SCLY: variants seen among roughly 807,000 people sequenced by gnomAD.
The protein encoded by SCLY is putative selenocysteine lyase.
SCLY carries 38 observed loss-of-function variants against 50.1 expected under a neutral mutation model. The observed-to-expected ratio is 0.76, with a 90% CI of 0.59 to 0.99. The LOEUF is 0.99. SCLY is among the 50% of genes least tolerant of loss of function. SCLY has a pLI of 0.00. For missense variants in SCLY, 600 were observed against 620.0 expected, an observed-to-expected ratio of 0.97 and a Z score of 0.34; for synonymous variants, 243 against 249.4, an observed-to-expected ratio of 0.97 and a Z score of 0.24.
In SCLY at chr2:238,091,230, C is replaced by T. The variant is rs779007259; in HGVS notation, c.897C>T (p.Thr299=). The change falls in exon 8 of 12, where the codon ACC becomes ACT. Residue 299 remains threonine (T), a synonymous_variant. Coordinates refer to ENST00000254663, the MANE Select transcript of SCLY (RefSeq NM_016510.7). The stretch of plus-strand genomic sequence containing the variant: ...TTGTTTCTTACAGGACAGAGAACAC[C>T]CCAATGATTGCTGGCCTTGGGAAGG... ...ERNFRPGTEN[T]PMIAGLGKAA... 6.2e-7 allele frequency: 1 copy of T among 1,613,382 alleles called. No homozygotes were observed. The highest frequency in any genetic ancestry group is 1.3e-5 in the African/African-American group (1 of 74,884).
intron 7 of SCLY, among the ~76,000 whole-genome samples, chr2:238,085,635 G>A (rs1276200564): frequency 2.6e-5 from 4 of 152,010 alleles, no homozygotes; most frequent in East Asian, 1.9e-4. Context: ...GCTGAGGCAG[G>A]AGAATCCCTT....
At chr2:238,091,383 G>A in intron 8 of SCLY, 129 bp downstream of exon 8, 1 of 812,404 alleles carries the variant, frequency 1.2e-6, no homozygotes, top group South Asian at 1.4e-5. Flanking sequence ...ACAAGAAAAA[G>A]CCTGGAATCT....
chr2:238,077,656 T>C (rs1051522274), intron 4 of SCLY, among the ~76,000 whole-genome samples: 1 of 152,190 alleles, frequency 6.6e-6, no homozygotes, highest in Non-Finnish European at 1.5e-5. Context: ...TGACCTGGAC[T>C]AAATACAAGA....
At chr2:238,089,726 C>T (rs2065342835) in intron 7 of SCLY, among the ~76,000 whole-genome samples, 1 of 150,554 alleles carries the variant, frequency 6.6e-6, no homozygotes, top group Admixed American at 6.7e-5. Flanking sequence ...CCAGTGTGGC[C>T]TAGGGAAGCC....
chr2:238,095,574 G>A (rs1559252646), intron 10 of SCLY: 1 of 152,168 alleles, frequency 6.6e-6, no homozygotes, highest in African/African-American at 2.4e-5. Context: ...TGAGAACCTG[G>A]GCTGAAATGC....
At position 238,096,964 on chromosome 2, in the gene SCLY, G is replaced by A. The variant is rs990715683; in HGVS notation, c.1184+88G>A. The A allele has an allele frequency of 3.9e-6, 5 of 1,294,358 alleles. No individual in the cohort carries two copies. The Admixed American group carries it at 1.0e-4, about 26-fold the overall frequency. 80.2% of individuals were successfully genotyped at this position (1,294,358 alleles called of 1,614,324 possible). ...GCAGGCGGCAGGATCCGGCCACTGG[G>A]CCGCACTCTGGCTGGTGAAGGACAG... On this transcript the variant is annotated intron_variant, in intron 11 of 11. Coordinates refer to ENST00000254663, the MANE Select transcript of SCLY (RefSeq NM_016510.7).
chr2:238,081,551 C>A, intron 4 of SCLY, 158 bp from the exon 5 acceptor site: 1 of 935,944 alleles, frequency 1.1e-6, no homozygotes. Context: ...GACTCTGGGC[C>A]AGTGATGATG....
At chr2:238,072,080 C>G (rs1223924039) in intron 4 of SCLY, among the ~76,000 whole-genome samples, 1 of 152,136 alleles carries the variant, frequency 6.6e-6, no homozygotes, top group African/African-American at 2.4e-5. Flanking sequence ...CTCTAGGCAA[C>G]CACTCATCTA....
At chr2:238,091,812 TC>T (rs1324019547) in intron 8 of SCLY, 3 of 158,912 alleles carry the variant, frequency 1.9e-5, no homozygotes, top group South Asian at 1.9e-4. Context: ...CTACATTGGT[TC>T]CCCCATGTCC....
At chr2:238,096,954 C>T (rs566746682) in intron 11 of SCLY, 78 bp downstream of exon 11, 251 of 1,371,056 alleles carry the variant, frequency 1.8e-4, no homozygotes, top group African/African-American at 6.2e-4. Context: ...CGGCAGGATC[C>T]GGCCACTGGG....
At position 238,068,184 on chromosome 2, in the gene SCLY, C is replaced by T. The variant is rs1334481258; in HGVS notation, c.303+19C>T. On this transcript the variant is annotated intron_variant, in intron 3 of 11. Coordinates refer to ENST00000254663, the MANE Select transcript of SCLY (RefSeq NM_016510.7). The stretch of plus-strand genomic sequence containing the variant: ...CACTGAGGTAAAGCTTCTGAACACA[C>T]TCACATTCTGTTAACTGTAAGTTAT... 1 of 1,452,064 alleles carries T rather than the reference C, an allele frequency of 6.9e-7. No homozygotes were observed. The highest frequency in any genetic ancestry group is 1.2e-5 in the South Asian group (1 of 83,350). The allele number at this position is 1,452,064 out of a possible 1,614,324, so 89.9% of individuals were successfully genotyped here. A position where few individuals can be genotyped will look rare whatever the true frequency, so the allele number is the denominator to read the frequency against.
At chr2:238,088,726 A>T (rs560097891) in intron 7 of SCLY, among the ~76,000 whole-genome samples, 1 of 152,378 alleles carries the variant, frequency 6.6e-6, no homozygotes, top group South Asian at 2.1e-4. Context: ...TCAACCATTC[A>T]TGTTAAAAAC....
In SCLY at chr2:238,082,305, C is replaced by G. The variant is rs2065246833; in HGVS notation, c.777+96C>G. 4 of 1,295,876 alleles carry G rather than the reference C, an allele frequency of 3.1e-6. No individual in the cohort carries two copies. In the African/African-American group the frequency reaches 4.4e-5, roughly 14 times the overall value. The allele number at this position is 1,295,876 out of a possible 1,614,324, so 80.3% of individuals were successfully genotyped here. A position where few individuals can be genotyped will look rare whatever the true frequency, so the allele number is the denominator to read the frequency against. On this transcript the variant is annotated intron_variant, in intron 6 of 11. Transcript: ENST00000254663. The stretch of plus-strand genomic sequence containing the variant: ...CGTAAGCCTCACTGCCCACCGTGAG[C>G]CAGGCCTTGGGGGCACTGCGAGGAG...
At chr2:238,068,390 A>AG (rs2065095921) in intron 3 of SCLY, among the ~76,000 whole-genome samples, 2 of 152,078 alleles carry the variant, frequency 1.3e-5, no homozygotes, top group African/African-American at 2.4e-5. Context: ...CTCTACAAAA[A>AG]AAAAAAAAAT....
chr2:238,097,774 C>T (rs2065455180), intron 11 of SCLY, among the ~76,000 whole-genome samples: 1 of 152,150 alleles, frequency 6.6e-6, no homozygotes, highest in Non-Finnish European at 1.5e-5. Flanking sequence ...TGGCTAGATA[C>T]TGACTGGGTC....
intron 2 of SCLY, among the ~76,000 whole-genome samples, chr2:238,065,660 T>TTTATTTTTATTA (rs1553564088): frequency 7.0e-6 from 1 of 143,514 alleles, no homozygotes; most frequent in South Asian, 2.2e-4. Context: ...AATATTTTAT[T>TTTATTTTTATTA]TTATTATTAT....
chr2:238,094,656 G>A (rs2065406748), intron 10 of SCLY, 134 bp downstream of exon 10: 2 of 758,106 alleles, frequency 2.6e-6, no homozygotes, highest in Admixed American at 2.6e-5. Context: ...GGGCCTTGCT[G>A]GGGTTGCCAA....
intron 8 of SCLY, chr2:238,091,555 C>A: frequency 5.8e-5 from 20 of 347,386 alleles, no homozygotes; most frequent in South Asian, 2.0e-4. Context: ...TTCACCATTC[C>A]CAAAGGCGTC....
At chr2:238,071,698 G>A (rs2065129532) in intron 4 of SCLY, among the ~76,000 whole-genome samples, 1 of 152,184 alleles carries the variant, frequency 6.6e-6, no homozygotes, top group South Asian at 2.1e-4. Flanking sequence ...AGTTCTTCTT[G>A]TGGATATTAT....
Sources: allele counts gnomAD v4.1 joint callset (sites outside exome capture counted in the v4.1 genomes callset), GRCh38; gene constraint gnomAD v4.1.1; transcripts MANE v1.5; gene names NCBI Gene and HGNC (gene_info 2026-07-23, HGNC 2026-07-21).